The following DNAI3 variants were observed in gnomAD, a reference collection of about 807,000 sequenced individuals.
DNAI3 encodes the protein dynein axonemal intermediate chain 3.
Under a neutral mutation model 115.5 loss-of-function variants are expected in DNAI3, and 83 were observed. The observed-to-expected ratio is 0.72, with a 90% CI of 0.60 to 0.86. The LOEUF (loss-of-function observed/expected upper bound fraction) is 0.86. Among genes scored for constraint, DNAI3 ranks in the 40% least tolerant of loss-of-function variants. DNAI3 has a pLI of 0.00. For synonymous variants in DNAI3, 320 were observed against 347.0 expected, an observed-to-expected ratio of 0.92 and a Z score of 0.86; for missense variants, 1,004 against 1,075.8, an observed-to-expected ratio of 0.93 and a Z score of 0.93.
chr1:85,090,525 C>T (rs1296675348), intron 8 of DNAI3, among the ~76,000 whole-genome samples: 3 of 152,158 alleles, frequency 2.0e-5, no homozygotes, highest in Admixed American at 6.5e-5. Context: ...GTTACTTTTA[C>T]GTAATTCTTT....
At chr1:85,130,901 G>A (rs1027620622) in intron 22 of DNAI3, among the ~76,000 whole-genome samples, 20 of 152,092 alleles carry the variant, frequency 1.3e-4, no homozygotes, top group African/African-American at 4.6e-4. Flanking sequence ...TGTTTGATAC[G>A]AATTCTGTGA....
chr1:85,124,615 C>T (rs1009741147), intron 19 of DNAI3, among the ~76,000 whole-genome samples: 3 of 152,128 alleles, frequency 2.0e-5, no homozygotes, highest in African/African-American at 7.2e-5. Flanking sequence ...ACTGCAGCCT[C>T]GACTTCCCAG....
At chr1:85,110,159 A>G (rs1488000210) in intron 16 of DNAI3, 24 bp downstream of exon 16, 1 of 1,597,518 alleles carries the variant, frequency 6.3e-7, no homozygotes. Flanking sequence ...CTTATTTAAA[A>G]AAAAAAAAAA....
chr1:85,110,483 A>AAATAAATT (rs60988718), intron 16 of DNAI3, among the ~76,000 whole-genome samples: 1 of 150,250 alleles, frequency 6.7e-6, no homozygotes, highest in Non-Finnish European at 1.5e-5. Context: ...ATAAATAAAT[A>AAATAAATT]CATTTACTAA....
chr1:85,066,845 A>G (rs111244762), intron 1 of DNAI3, among the ~76,000 whole-genome samples: 116 of 152,338 alleles, frequency 7.6e-4, no homozygotes, highest in African/African-American at 2.5e-3. Flanking sequence ...AAGCCCTGCT[A>G]TAATTTGAAA....
intron 16 of DNAI3, among the ~76,000 whole-genome samples, chr1:85,112,638 A>T (rs1364960639): frequency 2.0e-5 from 3 of 152,238 alleles, no homozygotes; most frequent in African/African-American, 7.2e-5. Context: ...TAAAATATAC[A>T]GTCGGATCTC....
intron 7 of DNAI3, among the ~76,000 whole-genome samples, chr1:85,089,219 A>G (rs968280318): frequency 3.3e-5 from 5 of 151,954 alleles, no homozygotes; most frequent in African/African-American, 1.2e-4. Context: ...GAATAATTTC[A>G]TTTAGAGATG....
At chr1:85,110,383 A>G (rs948302642) in intron 16 of DNAI3, among the ~76,000 whole-genome samples, 7 of 151,698 alleles carry the variant, frequency 4.6e-5, no homozygotes, top group Non-Finnish European at 1.0e-4. Context: ...CCCGGGAGGC[A>G]GAGCTTGCAG....
At chr1:85,116,502 T>C (rs1010841289) in intron 16 of DNAI3, among the ~76,000 whole-genome samples, 2 of 152,270 alleles carry the variant, frequency 1.3e-5, no homozygotes, top group African/African-American at 4.8e-5. Context: ...TGTATGTATA[T>C]GTATTTACAA....
At chr1:85,070,629 G>A (rs1377218285) in intron 1 of DNAI3, among the ~76,000 whole-genome samples, 1 of 152,130 alleles carries the variant, frequency 6.6e-6, no homozygotes, top group African/African-American at 2.4e-5. Flanking sequence ...GAATTGTAAT[G>A]TTCCCAACAC....
intron 16 of DNAI3, among the ~76,000 whole-genome samples, chr1:85,115,659 A>G (rs1655794301): frequency 1.4e-5 from 2 of 147,658 alleles, no homozygotes; most frequent in South Asian, 4.3e-4. Flanking sequence ...TTTTTGCACC[A>G]GGGACCAGTT....
intron 5 of DNAI3, among the ~76,000 whole-genome samples, chr1:85,083,427 C>T (rs917883652): frequency 1.3e-5 from 2 of 151,954 alleles, no homozygotes; most frequent in African/African-American, 4.8e-5. Context: ...GTGGAGGTTG[C>T]AGTGAGCCAT....
At chr1:85,126,458 C>T (rs1000342510) in intron 19 of DNAI3, 53 bp from the exon 20 acceptor site, 10 of 1,538,288 alleles carry the variant, frequency 6.5e-6, no homozygotes, top group African/African-American at 1.4e-5. Context: ...GTGAATTTCC[C>T]TCAGATAATA....
chr1:85,076,813 A>G (rs1203233021), intron 3 of DNAI3, among the ~76,000 whole-genome samples: 2 of 152,186 alleles, frequency 1.3e-5, no homozygotes, highest in Admixed American at 1.3e-4. Context: ...GGACATGAAC[A>G]TATTAGGGGG....
At position 85,093,630 on chromosome 1, in the gene DNAI3, T is replaced by G. The variant is rs1164392470; in HGVS notation, c.1030T>G (p.Trp344Gly). 1 of 1,614,126 alleles carries G rather than the reference T, an allele frequency of 6.2e-7. No individual in the cohort carries two copies. The highest frequency in any genetic ancestry group is 2.2e-5 in the East Asian group (1 of 44,880). Residue 344 changes from tryptophan to glycine, a missense_variant, in exon 9 of 23, where the codon TGG becomes GGG. Physicochemically the swap from Trp to Gly is radical, Grantham distance 184. Transcript: ENST00000294664. The part of the protein sequence containing the change: ...PTEKMITCVS[W>G]HPTIYGLIAV... The stretch of plus-strand genomic sequence containing the variant: ...GGAGAAAATGATTACCTGTGTCTCA[T>G]GGCATCCAACTATCTATGGTGAGAT...
intron 16 of DNAI3, among the ~76,000 whole-genome samples, chr1:85,113,020 C>T (rs921627175): frequency 7.2e-5 from 11 of 152,212 alleles, no homozygotes; most frequent in Non-Finnish European, 1.6e-4. Flanking sequence ...CTGCCCAAAT[C>T]GGCCTCCCAA....
At chr1:85,104,137 T>C (rs77060540) in intron 13 of DNAI3, among the ~76,000 whole-genome samples, 1 of 142,776 alleles carries the variant, frequency 7.0e-6, no homozygotes, top group African/African-American at 2.6e-5. Context: ...TTTTTTTTTT[T>C]TGGGCTGGAG....
intron 1 of DNAI3, among the ~76,000 whole-genome samples, chr1:85,070,749 T>A (rs1307328215): frequency 6.6e-6 from 1 of 152,244 alleles, no homozygotes; most frequent in Non-Finnish European, 1.5e-5. Flanking sequence ...GCACAACTAT[T>A]ATATGTCAAT....
At chr1:85,070,536 A>T (rs1654243771) in intron 1 of DNAI3, among the ~76,000 whole-genome samples, 1 of 152,094 alleles carries the variant, frequency 6.6e-6, no homozygotes, top group Admixed American at 6.6e-5. Context: ...TAGTAATAAT[A>T]AAATGTGGTT....
Sources: allele counts gnomAD v4.1 joint callset (sites outside exome capture counted in the v4.1 genomes callset), GRCh38; gene constraint gnomAD v4.1.1; transcripts MANE v1.5; gene names NCBI Gene and HGNC (gene_info 2026-07-23, HGNC 2026-07-21).